Variants in GALNTL6 observed in about 807,000 individuals in gnomAD.
The protein encoded by GALNTL6 is polypeptide N-acetylgalactosaminyltransferase like 6.
Under a neutral mutation model 73.7 loss-of-function variants are expected in GALNTL6, and 46 were observed. The observed-to-expected ratio is 0.62, with a 90% CI of 0.49 to 0.80. The LOEUF is 0.80. GALNTL6 is among the 30% of genes least tolerant of loss of function. GALNTL6 has a pLI of 0.00. For synonymous variants in GALNTL6, 259 were observed against 263.7 expected, an observed-to-expected ratio of 0.98 and a Z score of 0.17; for missense variants, 604 against 755.0, an observed-to-expected ratio of 0.80 and a Z score of 2.34.
Position 171,925,180 on chromosome 4 carries a change from G to A in GALNTL6, c.138+110462G>A, listed in dbSNP as rs146479997. Among the ~76,000 whole-genome samples the A allele has an allele frequency of 1.6e-3, 245 of 152,288 alleles. 1 individual carries two copies. The highest frequency in any genetic ancestry group is 5.6e-3 in the African/African-American group (233 of 41,574). ...AGGGTGAGCAGGGGCTCAGGCAGAAGCCAGGAATCAGGTACTGGAGAGCCA... is the reference window on the plus strand; with the variant it reads ...AGGGTGAGCAGGGGCTCAGGCAGAAACCAGGAATCAGGTACTGGAGAGCCA... On this transcript the variant is annotated intron_variant, in intron 2 of 12. Coordinates refer to ENST00000506823, the MANE Select transcript of GALNTL6 (RefSeq NM_001034845.3).
At chr4:172,533,316 A>ATTT (rs34973148) in intron 5 of GALNTL6, among the ~76,000 whole-genome samples, 32,247 of 77,416 alleles carry the variant, frequency 0.42, 12,614 homozygotes, top group South Asian at 0.66. Context: ...CCCGGCCAGA[A>ATTT]TTTTTTTTTT....
At chr4:172,110,847 G>T (rs1382913074) in intron 2 of GALNTL6, among the ~76,000 whole-genome samples, 1 of 152,050 alleles carries the variant, frequency 6.6e-6, no homozygotes, top group Non-Finnish European at 1.5e-5. Flanking sequence ...CATCAGGACT[G>T]CTGTTCATTA....
intron 7 of GALNTL6, among the ~76,000 whole-genome samples, chr4:172,825,059 T>TTTC (rs200265873): frequency 6.7e-6 from 1 of 148,918 alleles, no homozygotes; most frequent in East Asian, 2.0e-4. Flanking sequence ...CTTTTTTCTT[T>TTTC]TTTTTTTTTT....
intron 8 of GALNTL6, among the ~76,000 whole-genome samples, chr4:172,883,503 G>A (rs931578619): frequency 5.3e-5 from 8 of 152,208 alleles, no homozygotes; most frequent in South Asian, 2.1e-4. Context: ...AGAGACGCAG[G>A]GGTGAGCTGC....
At chr4:172,405,479 A>G (rs1744208255) in intron 5 of GALNTL6, among the ~76,000 whole-genome samples, 2 of 140,912 alleles carry the variant, frequency 1.4e-5, no homozygotes, top group Non-Finnish European at 1.5e-5. Context: ...CCTTGCATTG[A>G]AGTGAGGTGA....
At chr4:173,021,663 G>A (rs1395764086) in intron 12 of GALNTL6, 38 bp downstream of exon 12, 17 of 1,603,328 alleles carry the variant, frequency 1.1e-5, no homozygotes, top group Non-Finnish European at 1.4e-5. Context: ...TCAAATTACT[G>A]TGGTTTAAGT....
intron 10 of GALNTL6, among the ~76,000 whole-genome samples, chr4:172,976,114 C>T (rs896346015): frequency 1.3e-5 from 2 of 152,180 alleles, no homozygotes; most frequent in Non-Finnish European, 2.9e-5. Flanking sequence ...AGCTCCTTGA[C>T]AGCCACTGCT....
chr4:172,274,264 C>A (rs1738755361), intron 3 of GALNTL6, among the ~76,000 whole-genome samples: 1 of 152,112 alleles, frequency 6.6e-6, no homozygotes, highest in South Asian at 2.1e-4. Context: ...ACCTTGTAAA[C>A]CTAGAACAAC....
At chr4:172,601,345 G>T (rs1002294343) in intron 5 of GALNTL6, among the ~76,000 whole-genome samples, 5 of 152,106 alleles carry the variant, frequency 3.3e-5, no homozygotes, top group African/African-American at 7.2e-5. Flanking sequence ...TGGTAGTGTT[G>T]GGAGGTAGGG....
intron 5 of GALNTL6, among the ~76,000 whole-genome samples, chr4:172,658,205 G>T (rs1369700243): frequency 1.4e-5 from 2 of 142,078 alleles, no homozygotes. Context: ...AGTGGCTCAT[G>T]CCTGTAATCC....
chr4:172,940,145 G>A (rs552623961), intron 9 of GALNTL6, among the ~76,000 whole-genome samples: 4 of 146,554 alleles, frequency 2.7e-5, no homozygotes, highest in Non-Finnish European at 6.0e-5. Flanking sequence ...TAAAGACAAC[G>A]TTATTTTCAA....
chr4:172,096,064 A>ATT (rs984101022), intron 2 of GALNTL6, among the ~76,000 whole-genome samples: 1 of 125,184 alleles, frequency 8.0e-6, no homozygotes, highest in African/African-American at 3.0e-5. Flanking sequence ...CATATTTTCG[A>ATT]TTTCTCTCTC....
At chr4:172,759,929 C>T (rs1295353721) in intron 5 of GALNTL6, among the ~76,000 whole-genome samples, 6 of 147,870 alleles carry the variant, frequency 4.1e-5, no homozygotes, top group South Asian at 2.2e-4. Context: ...CTCTGCTTCC[C>T]GGGTTCACGC....
At chr4:172,233,811 C>T (rs1346795477) in intron 3 of GALNTL6, among the ~76,000 whole-genome samples, 1 of 151,616 alleles carries the variant, frequency 6.6e-6, no homozygotes, top group Non-Finnish European at 1.5e-5. Flanking sequence ...CAGATATGCA[C>T]AAAAAAATGG....
intron 5 of GALNTL6, among the ~76,000 whole-genome samples, chr4:172,628,137 T>C (rs1167523232): frequency 1.3e-5 from 2 of 152,120 alleles, no homozygotes; most frequent in African/African-American, 4.8e-5. Context: ...ATTTCTTATA[T>C]TGTCTGACTC....
intron 2 of GALNTL6, among the ~76,000 whole-genome samples, chr4:171,940,303 G>A (rs1738490071): frequency 6.6e-6 from 1 of 151,758 alleles, no homozygotes; most frequent in Non-Finnish European, 1.5e-5. Context: ...GTGGAAATGG[G>A]GAGGGGATGC....
At chr4:171,839,059 T>C (rs1372726661) in intron 2 of GALNTL6, among the ~76,000 whole-genome samples, 3 of 151,882 alleles carry the variant, frequency 2.0e-5, no homozygotes, top group Non-Finnish European at 4.4e-5. Flanking sequence ...TAAATAAAAG[T>C]CCAGAGATTT....
intron 5 of GALNTL6, among the ~76,000 whole-genome samples, chr4:172,385,591 G>A (rs544877159): frequency 1.5e-3 from 223 of 151,844 alleles, no homozygotes; most frequent in African/African-American, 5.1e-3. Flanking sequence ...ATTGATAACA[G>A]CTCTTAGTTA....
Position 172,070,464 on chromosome 4 carries a change from C to G in GALNTL6, c.139-159192C>G. ...CCTTATGAATGGATTAATGTCAGCTCTACCTTCAAGAATGAATTAATGGAT... is the reference window on the plus strand; with the variant it reads ...CCTTATGAATGGATTAATGTCAGCTGTACCTTCAAGAATGAATTAATGGAT... On this transcript the variant is annotated intron_variant, in intron 2 of 12. Transcript: ENST00000506823. Among the ~76,000 whole-genome samples, 2 of 109,986 alleles carry G rather than the reference C, an allele frequency of 1.8e-5. 1 individual carries two copies. The highest frequency in any genetic ancestry group is 5.3e-4 in the South Asian group (2 of 3,800). The allele number at this position is 109,986 out of a possible 152,430, so 72.2% of individuals were successfully genotyped here.
Sources: allele counts gnomAD v4.1 joint callset (sites outside exome capture counted in the v4.1 genomes callset), GRCh38; gene constraint gnomAD v4.1.1; transcripts MANE v1.5; gene names NCBI Gene and HGNC (gene_info 2026-07-23, HGNC 2026-07-21).